VIPR1: variants seen among roughly 807,000 people sequenced by gnomAD.
VIPR1 encodes the protein vasoactive intestinal peptide receptor 1.
VIPR1 carries 59 observed loss-of-function variants against 58.8 expected under a neutral mutation model. The ratio of observed to expected loss-of-function variants is 1.00; its 90% CI spans 0.81 to 1.25. VIPR1 has a LOEUF of 1.25. Among genes scored for constraint, VIPR1 ranks in the 50% most tolerant of loss-of-function variants. VIPR1 has a pLI of 0.00. For synonymous variants in VIPR1, 251 were observed against 242.1 expected (o/e 1.04, Z -0.34); for missense variants, 626 against 602.7 (o/e 1.04, Z -0.40).
intron 1 of VIPR1, chr3:42,512,628 G>C (rs935533342): frequency 1.8e-6 from 1 of 564,562 alleles, no homozygotes; most frequent in African/African-American, 2.0e-5. Context: ...GCCCAGGGAG[G>C]TAAGGACCCT....
intron 5 of VIPR1, 58 bp downstream of exon 5, chr3:42,527,554 A>T: frequency 6.4e-7 from 1 of 1,555,378 alleles, no homozygotes; most frequent in Non-Finnish European, 8.8e-7. Context: ...TCCCTCCCAC[A>T]GTGGAGCCCA....
At chr3:42,498,770 T>C (rs1341864527), upstream of VIPR1, among the ~76,000 whole-genome samples, 2 of 152,194 alleles carry the variant, frequency 1.3e-5, no homozygotes, top group African/African-American at 4.8e-5. Flanking sequence ...GGACAGCCCA[T>C]GTCTAAGACA....
chr3:42,519,368 C>A (rs780200761), intron 3 of VIPR1, 38 bp downstream of exon 3: 5 of 1,541,876 alleles, frequency 3.2e-6, no homozygotes, highest in Non-Finnish European at 3.5e-6. Context: ...GTGAGTGGGG[C>A]CGGCTGGAGT....
At chr3:42,494,037 C>T (rs958254312) in intron 1 of VIPR1, among the ~76,000 whole-genome samples, 1 of 152,234 alleles carries the variant, frequency 6.6e-6, no homozygotes. Context: ...CCAGCAGCAT[C>T]CTGCCTAAGG....
At chr3:42,520,284 G>T (rs1198324372) in intron 3 of VIPR1, among the ~76,000 whole-genome samples, 1 of 152,192 alleles carries the variant, frequency 6.6e-6, no homozygotes, top group African/African-American at 2.4e-5. Flanking sequence ...AGACCATGCA[G>T]GGCCTTGAGG....
rs1347736118 is a variant in VIPR1, at chr3:42,532,014, G to GA, written c.918+145_918+146insA. ...CCAATGCAGGATCATCCCCACCCCT[G>GA]TCCTACCAGTTCTTCCTTGAGCGTA... On this transcript the variant is annotated intron_variant, in intron 9 of 12. Transcript: ENST00000325123. 58 of 986,952 alleles carry GA rather than the reference G, an allele frequency of 5.9e-5. 1 individual carries two copies. The highest frequency in any genetic ancestry group is 1.8e-5 in the Non-Finnish European group (12 of 649,280). The allele number at this position is 986,952 out of a possible 1,614,324, so 61.1% of individuals were successfully genotyped here.
chr3:42,516,182 G>A (rs1050566760), intron 2 of VIPR1, among the ~76,000 whole-genome samples: 1 of 152,170 alleles, frequency 6.6e-6, no homozygotes, highest in East Asian at 1.9e-4. Flanking sequence ...TTCCTGCTGA[G>A]GGCACAGCCC....
intron 1 of VIPR1, among the ~76,000 whole-genome samples, chr3:42,495,191 G>A (rs976380715): frequency 1.3e-5 from 2 of 151,820 alleles, no homozygotes; most frequent in Non-Finnish European, 1.5e-5. Flanking sequence ...GCATGATCTC[G>A]GCTCACTGCA....
At chr3:42,498,526 A>G (rs1396814695), upstream of VIPR1, among the ~76,000 whole-genome samples, 1 of 152,080 alleles carries the variant, frequency 6.6e-6, no homozygotes, top group Non-Finnish European at 1.5e-5. Flanking sequence ...TGACACACCT[A>G]TAGTTAGCAC....
chr3:42,530,979 G>T (rs1701513612), intron 7 of VIPR1, 47 bp downstream of exon 7: 2 of 1,606,408 alleles, frequency 1.2e-6, no homozygotes, highest in South Asian at 1.1e-5. Context: ...AGGGGGCAAG[G>T]CCTGGAGAAC....
intron 2 of VIPR1, among the ~76,000 whole-genome samples, chr3:42,515,105 TAC>T (rs908031648): frequency 2.0e-5 from 3 of 152,208 alleles, no homozygotes; most frequent in Admixed American, 6.5e-5. Context: ...CGGCTGAGCT[TAC>T]AGTTATGTAA....
chr3:42,493,094 G>C (rs983897513), intron 1 of VIPR1, among the ~76,000 whole-genome samples: 5 of 152,068 alleles, frequency 3.3e-5, no homozygotes, highest in Non-Finnish European at 7.4e-5. Flanking sequence ...TTGAATTCTA[G>C]AAAATAAAGA....
intron 6 of VIPR1, chr3:42,528,759 GC>G (rs1701373922): frequency 6.6e-6 from 1 of 152,508 alleles, no homozygotes; most frequent in Non-Finnish European, 1.5e-5. Flanking sequence ...AGTGCCCCAA[GC>G]TTTGACAGAG....
intron 3 of VIPR1, among the ~76,000 whole-genome samples, chr3:42,521,819 C>A (rs1413430494): frequency 3.3e-5 from 5 of 151,878 alleles, no homozygotes; most frequent in Non-Finnish European, 5.9e-5. Context: ...ACCATCTTGG[C>A]TCACTGCAAC....
At position 42,502,757 on chromosome 3, in the gene VIPR1, C is replaced by A. The variant is rs1699924978; in HGVS notation, c.22C>A (p.Pro8Thr). MRPPSPL[P>T]ARWLCVLAGA... Reference sequence around the variant, plus strand: ...GACCATGCGCCCGCCAAGTCCGCTGCCCGCCCGCTGGCTATGCGTGCTGGC... The same window carrying A: ...GACCATGCGCCCGCCAAGTCCGCTGACCGCCCGCTGGCTATGCGTGCTGGC... The change falls in exon 1 of 13, where the codon CCC becomes ACC. Residue 8 changes from proline (P) to threonine (T), a missense_variant. Coordinates refer to ENST00000325123, the MANE Select transcript of VIPR1 (RefSeq NM_004624.4). 1 of 1,307,482 alleles carries A rather than the reference C, an allele frequency of 7.6e-7. No homozygotes were observed. The highest frequency in any genetic ancestry group is 9.7e-7 in the Non-Finnish European group (1 of 1,031,080). The allele number at this position is 1,307,482 out of a possible 1,614,324, so 81.0% of individuals were successfully genotyped here.
rs1224477967 is a variant in VIPR1 at position 42,535,356 on chromosome 3, C to T, written c.1154C>T (p.Ala385Val). 6.2e-7 allele frequency: 1 copy of T among 1,614,142 alleles called. No individual in the cohort carries two copies. The highest frequency in any genetic ancestry group is 8.5e-7 in the Non-Finnish European group (1 of 1,180,016). Residue 385 changes from alanine to valine, a missense_variant, in exon 12 of 13, where the codon GCT (alanine) becomes GTT (valine). Transcript: ENST00000325123. ...VVGSFQGFVV[A>V]ILYCFLNGEV... ...CTTCCTTCTCAGGGTTTTGTGGTGG[C>T]TATCCTCTACTGCTTCCTCAATGGT...
At chr3:42,517,653 C>T (rs1160771607) in intron 2 of VIPR1, among the ~76,000 whole-genome samples, 1 of 152,164 alleles carries the variant, frequency 6.6e-6, no homozygotes, top group South Asian at 2.1e-4. Flanking sequence ...ACAATCCGAC[C>T]ACGTTGGGGG....
chr3:42,503,212 C>T (rs141473146), intron 1 of VIPR1, among the ~76,000 whole-genome samples: 22 of 152,204 alleles, frequency 1.4e-4, no homozygotes, highest in Middle Eastern at 6.8e-3. Flanking sequence ...TGTGAGGGGC[C>T]GTTCTTGTGT....
intron 7 of VIPR1, 34 bp from the exon 8 acceptor site, chr3:42,531,437 C>T: frequency 1.3e-6 from 2 of 1,557,404 alleles, no homozygotes; most frequent in Non-Finnish European, 1.7e-6. Context: ...TTCCTGTGCC[C>T]TCTCTGCTCT....
Sources: allele counts gnomAD v4.1 joint callset (sites outside exome capture counted in the v4.1 genomes callset), GRCh38; gene constraint gnomAD v4.1.1; transcripts MANE v1.5; gene names NCBI Gene and HGNC (gene_info 2026-07-23, HGNC 2026-07-21).